The following HCN4 variants were observed in gnomAD, a reference collection of about 807,000 sequenced individuals.
HCN4 encodes the protein potassium/sodium hyperpolarization-activated cyclic nucleotide-gated channel 4.
A neutral mutation model predicts 76.9 loss-of-function variants in HCN4; 29 were observed. The observed-to-expected ratio is 0.38, with a 90% CI of 0.28 to 0.51. The LOEUF is 0.51. Among genes scored for constraint, HCN4 ranks in the 20% least tolerant of loss-of-function variants. The pLI, the probability that HCN4 is intolerant of heterozygous loss-of-function variation, is 0.90. For missense variants in HCN4, 1,416 were observed against 1,715.2 expected, an observed-to-expected ratio of 0.83 and a Z score of 3.08; for synonymous variants, 772 against 762.5, an observed-to-expected ratio of 1.01 and a Z score of -0.21.
At chr15:73,337,724 A>C (rs1215535407) in intron 2 of HCN4, among the ~76,000 whole-genome samples, 1 of 152,046 alleles carries the variant, frequency 6.6e-6, no homozygotes, top group Non-Finnish European at 1.5e-5. Flanking sequence ...CAGTGACGAG[A>C]ATGGTGGTCA....
chr15:73,359,550 T>TA (rs2043096052), intron 1 of HCN4, among the ~76,000 whole-genome samples: 1 of 152,086 alleles, frequency 6.6e-6, no homozygotes, highest in Non-Finnish European at 1.5e-5. Context: ...TGAGCCTTGG[T>TA]ACCTCAGCAA....
intron 1 of HCN4, among the ~76,000 whole-genome samples, chr15:73,362,935 G>A (rs2043112148): frequency 1.3e-5 from 2 of 152,176 alleles, no homozygotes; most frequent in Non-Finnish European, 2.9e-5. Flanking sequence ...TCGGGTTTTT[G>A]TGCACCCAGC....
At chr15:73,361,284 G>A (rs2043103715) in intron 1 of HCN4, among the ~76,000 whole-genome samples, 2 of 152,266 alleles carry the variant, frequency 1.3e-5, no homozygotes, top group South Asian at 4.1e-4. Context: ...GGGTGCTGAT[G>A]GTACAGTGTC....
intron 2 of HCN4, among the ~76,000 whole-genome samples, chr15:73,332,915 T>C (rs762423398): frequency 2.8e-4 from 43 of 152,188 alleles, no homozygotes; most frequent in Non-Finnish European, 1.0e-4. Flanking sequence ...AAAATTCTTA[T>C]CTGAGTGGGC....
intron 1 of HCN4, among the ~76,000 whole-genome samples, chr15:73,360,825 T>C (rs2043101832): frequency 6.6e-6 from 1 of 152,194 alleles, no homozygotes; most frequent in African/African-American, 2.4e-5. Flanking sequence ...TTGATTTGAG[T>C]CTAGGGCTAT....
rs764093328 is a variant in HCN4 at position 73,323,787 on chromosome 15, G to T, written c.2306C>A (p.Pro769His). Residue 769 changes from proline (P) to histidine (H), a missense_variant, in exon 8 of 8, where the codon CCC (proline) becomes CAC (histidine). Around this residue, in one of 6 missense-constraint regions of HCN4, gnomAD observed 241 missense variants for 379.4 expected, o/e 0.64. Transcript: ENST00000261917. The part of the protein sequence containing the change: ...VQAAASATPT[P>H]TPVIWTPLIQ... ...CAGCGGGGTCCAGATGACGGGCGTG[G>T]GGGTTGGGGTGGCAGAGGCAGCAGC... 6.2e-7 allele frequency: 1 copy of T among 1,607,808 alleles called. No individual in the cohort carries two copies. The highest frequency in any genetic ancestry group is 2.2e-5 in the East Asian group (1 of 44,852).
At chr15:73,355,613 C>T (rs1337575930) in intron 1 of HCN4, among the ~76,000 whole-genome samples, 1 of 152,186 alleles carries the variant, frequency 6.6e-6, no homozygotes, top group East Asian at 1.9e-4. Context: ...GGACTGCAAC[C>T]GCACCTTCTC....
At position 73,322,993 on chromosome 15, in the gene HCN4, G is replaced by T. The variant is rs1158677290; in HGVS notation, c.3100C>A (p.Pro1034Thr). Reference sequence around the variant, plus strand: ...GGGGCACTCGGGAAGGTTCTTGGGGGGCCTGGGCTGTGGCCAGGGGGGCTG... The same window carrying T: ...GGGGCACTCGGGAAGGTTCTTGGGGTGCCTGGGCTGTGGCCAGGGGGGCTG... ...GLSPPGHSPGPPRTFPSAPPR... is the reference protein window; with the variant it reads ...GLSPPGHSPGTPRTFPSAPPR... Residue 1034 changes from proline to threonine, a missense_variant, in exon 8 of 8, where the codon CCC (proline) becomes ACC (threonine). Pro to Thr is a conservative substitution (Grantham distance 38, BLOSUM62 -1). Around this residue, in one of 6 missense-constraint regions of HCN4, gnomAD observed 633 missense variants for 579.8 expected, o/e 1.09. Coordinates refer to ENST00000261917, the MANE Select transcript of HCN4 (RefSeq NM_005477.3). The T allele has an allele frequency of 2.1e-6, 3 of 1,454,612 alleles. No homozygotes were observed. Among genetic ancestry groups the T allele is most frequent in the African/African-American group, 2.8e-5 (2 of 70,774 alleles). The allele number at this position is 1,454,612 out of a possible 1,614,324, so 90.1% of individuals were successfully genotyped here.
rs940380774 is a variant in HCN4 at position 73,367,282 on chromosome 15, A to C, written c.785+204T>G. 1.3e-5 allele frequency among the ~76,000 whole-genome samples: 2 copies of C among 152,096 alleles called. No homozygotes were observed. Among genetic ancestry groups the C allele is most frequent in the Non-Finnish European group, 2.9e-5 (2 of 68,018 alleles). On this transcript the variant is annotated intron_variant, in intron 1 of 7. Transcript: ENST00000261917. The surrounding 1 kb of genome is among the most constrained non-coding windows in gnomAD (Gnocchi z 7.5). Reference sequence around the variant, plus strand: ...TCCAATGCAGCCCAGACCCGAGAAGACCAGTGACTGAACCCAGAGGAAAGT... The same window carrying C: ...TCCAATGCAGCCCAGACCCGAGAAGCCCAGTGACTGAACCCAGAGGAAAGT...
Position 73,319,988 on chromosome 15 carries a change from TC to T in HCN4, c.*2492del, listed in dbSNP as rs1225963536. The T allele has an allele frequency of 2.0e-5, 3 of 152,176 alleles. No individual in the cohort carries two copies. The highest frequency in any genetic ancestry group is 7.2e-5 in the African/African-American group (3 of 41,406). The allele number at this position is 152,176 out of a possible 1,614,324, so 9.4% of individuals were successfully genotyped here. A position where few individuals can be genotyped will look rare whatever the true frequency, so the allele number is the denominator to read the frequency against. On this transcript the variant is annotated 3_prime_UTR_variant, in exon 8 of 8. Coordinates refer to ENST00000261917, the MANE Select transcript of HCN4 (RefSeq NM_005477.3). The stretch of plus-strand genomic sequence containing the variant: ...AGGGCCCATTGCCTGCACCTGTCTG[TC>T]CCAGTCTCTGCAGAGTGGCCAGGTT...
intron 2 of HCN4, among the ~76,000 whole-genome samples, chr15:73,333,701 G>A (rs2042946622): frequency 6.6e-6 from 1 of 152,322 alleles, no homozygotes; most frequent in South Asian, 2.1e-4. Context: ...GGTAGCTTAA[G>A]CTTGCCCCAT....
chr15:73,368,374 T>G lies in HCN4; in HGVS notation c.-104A>C. 1 of 777,720 alleles carries G rather than the reference T, an allele frequency of 1.3e-6. No homozygotes were observed. The highest frequency in any genetic ancestry group is 1.8e-6 in the Non-Finnish European group (1 of 561,294). The allele number at this position is 777,720 out of a possible 1,614,324, so 48.2% of individuals were successfully genotyped here. A position where few individuals can be genotyped will look rare whatever the true frequency, so the allele number is the denominator to read the frequency against. On this transcript the variant is annotated 5_prime_UTR_variant, in exon 1 of 8. Transcript: ENST00000261917. The surrounding 1 kb of genome is among the most constrained non-coding windows in gnomAD (Gnocchi z 6.9). ...CAGTCCGCCCGTGGGGACGCGTCCTTTGCCGCCGGCGTGGGGGCAGCCTCA... is the reference window on the plus strand; with the variant it reads ...CAGTCCGCCCGTGGGGACGCGTCCTGTGCCGCCGGCGTGGGGGCAGCCTCA...
At chr15:73,361,114 C>T (rs554980965) in intron 1 of HCN4, among the ~76,000 whole-genome samples, 1 of 152,320 alleles carries the variant, frequency 6.6e-6, no homozygotes, top group Admixed American at 6.5e-5. Context: ...TGTTATGACC[C>T]ACTATGCTGG....
chr15:73,358,578 G>A (rs1340582440), intron 1 of HCN4, among the ~76,000 whole-genome samples: 1 of 152,188 alleles, frequency 6.6e-6, no homozygotes, highest in Non-Finnish European at 1.5e-5. Flanking sequence ...GGACCAGGGT[G>A]CACACATACA....
intron 1 of HCN4, among the ~76,000 whole-genome samples, chr15:73,357,127 A>G (rs1019868392): frequency 2.6e-4 from 39 of 152,224 alleles, no homozygotes; most frequent in African/African-American, 9.2e-4. Flanking sequence ...ATGACTCTTC[A>G]GCGGCTGCCA....
chr15:73,325,479 C>T lies in HCN4; in HGVS notation c.1591-35G>A, dbSNP rs200813893. 10 of 1,612,180 alleles carry T rather than the reference C, an allele frequency of 6.2e-6. No homozygotes were observed. The highest frequency in any genetic ancestry group is 8.5e-6 in the Non-Finnish European group (10 of 1,178,764). On this transcript the variant is annotated intron_variant, in intron 4 of 7. Coordinates refer to ENST00000261917, the MANE Select transcript of HCN4 (RefSeq NM_005477.3). This position sits in a 1 kb window ranked among gnomAD's most constrained non-coding sequence, Gnocchi z 7.4. ...GGAGAAGGGGGCGTCAGCTCCACCC[C>T]ACCAGGGGGCGTCAGCAGCCAGCCC...
intron 1 of HCN4, among the ~76,000 whole-genome samples, chr15:73,348,400 GCA>G (rs555411166): frequency 1.3e-3 from 199 of 152,288 alleles, no homozygotes; most frequent in African/African-American, 4.5e-3. Flanking sequence ...GAACATGCGT[GCA>G]CACACGCACA....
Position 73,328,821 on chromosome 15 carries a change from C to T in HCN4, c.1590+752G>A, listed in dbSNP as rs1279849784. ...AGGTGGTTGGGATGCAGAGAAGGAG[C>T]TGTGGCTTTGAGGTAGGCATTGATG... On this transcript the variant is annotated intron_variant, in intron 4 of 7. Transcript: ENST00000261917. This position sits in a 1 kb window ranked among gnomAD's most constrained non-coding sequence, Gnocchi z 4.0. 2.0e-5 allele frequency among the ~76,000 whole-genome samples: 3 copies of T among 152,128 alleles called. No individual in the cohort carries two copies. Among genetic ancestry groups the T allele is most frequent in the African/African-American group, 7.2e-5 (3 of 41,426 alleles).
chr15:73,361,527 C>T (rs1455428263), intron 1 of HCN4, among the ~76,000 whole-genome samples: 1 of 152,228 alleles, frequency 6.6e-6, no homozygotes, highest in Admixed American at 6.5e-5. Context: ...CTGGCAGTCG[C>T]AGCTTTGTAA....
Sources: allele counts gnomAD v4.1 joint callset (sites outside exome capture counted in the v4.1 genomes callset), GRCh38; gene constraint gnomAD v4.1.1; regional missense constraint gnomAD v4.1.1; non-coding constraint Gnocchi (gnomAD v3.1); transcripts MANE v1.5; gene names NCBI Gene and HGNC (gene_info 2026-07-23, HGNC 2026-07-21).